The following GNB1 variants were observed in gnomAD, a reference collection of about 807,000 sequenced individuals.
The protein encoded by GNB1 is G protein subunit beta 1.
A neutral mutation model predicts 42.9 loss-of-function variants in GNB1; 2 were observed. The ratio of observed to expected loss-of-function variants is 0.05; its 90% confidence interval spans 0.02 to 0.15. The LOEUF (loss-of-function observed/expected upper bound fraction) is 0.15, where lower values mean the gene tolerates loss of function less well. GNB1 is among the 10% of genes least tolerant of loss of function. The probability of loss-of-function intolerance (pLI) is 1.00; values close to 1 mark genes in which losing one functional copy is unlikely to be tolerated. For synonymous variants in GNB1, 183 were observed against 174.7 expected, an observed-to-expected ratio of 1.05 and a Z score of -0.38; for missense variants, 193 against 462.2, an observed-to-expected ratio of 0.42 and a Z score of 5.34.
At chr1:1,816,404 GT>G (rs1646856641) in intron 4 of GNB1, among the ~76,000 whole-genome samples, 3 of 152,178 alleles carry the variant, frequency 2.0e-5, no homozygotes, top group South Asian at 4.1e-4. Context: ...GGCAAACGGA[GT>G]AAGTGGATTA....
chr1:1,872,939 G>A (rs1279390630), intron 1 of GNB1, among the ~76,000 whole-genome samples: 3 of 152,188 alleles, frequency 2.0e-5, no homozygotes, highest in East Asian at 3.8e-4. Flanking sequence ...AAAGCAGGAA[G>A]TTCTTGAGGT....
chr1:1,837,595 C>CT (rs1647170068), intron 2 of GNB1, among the ~76,000 whole-genome samples: 1 of 150,292 alleles, frequency 6.7e-6, no homozygotes, highest in African/African-American at 2.4e-5. Flanking sequence ...GAGTCTCACT[C>CT]TGTCACCAGG....
At chr1:1,822,624 A>AT (rs367702506) in intron 3 of GNB1, among the ~76,000 whole-genome samples, 6 of 151,826 alleles carry the variant, frequency 4.0e-5, no homozygotes, top group South Asian at 4.1e-4. Context: ...CTCTTTTTAC[A>AT]TTTTTTATGT....
intron 1 of GNB1, among the ~76,000 whole-genome samples, chr1:1,865,235 C>T (rs959745656): frequency 4.8e-5 from 7 of 144,870 alleles, no homozygotes; most frequent in Non-Finnish European, 7.5e-5. Context: ...GAACTCCAGC[C>T]TGGGTGACAG....
At chr1:1,832,810 T>C (rs1647094821) in intron 2 of GNB1, among the ~76,000 whole-genome samples, 1 of 152,218 alleles carries the variant, frequency 6.6e-6, no homozygotes, top group African/African-American at 2.4e-5. Context: ...AATTTCAAGT[T>C]CTGGTTCTGC....
intron 2 of GNB1, among the ~76,000 whole-genome samples, chr1:1,830,319 G>A (rs1647058335): frequency 6.6e-6 from 1 of 150,414 alleles, no homozygotes; most frequent in Admixed American, 6.6e-5. Flanking sequence ...GGAGTGCAGT[G>A]GCGCGATCTC....
intron 1 of GNB1, among the ~76,000 whole-genome samples, chr1:1,846,232 G>C (rs986122182): frequency 3.3e-5 from 5 of 151,868 alleles, no homozygotes; most frequent in Admixed American, 6.6e-5. Flanking sequence ...AAGAGGAAAA[G>C]CGAAGCTCTT....
At position 1,790,347 on chromosome 1, in the gene GNB1, T is replaced by C; in HGVS notation, c.699+48A>G. ...TTTAAAATTTAGCAATCTGAACGGC[T>C]AGCAGAGACGGCAGAGGACCCGACC... On this transcript the variant is annotated intron_variant, in intron 9 of 11. Transcript: ENST00000378609. The surrounding 1 kb of genome is among the most constrained non-coding windows in gnomAD (Gnocchi z 5.4). 2.3e-6 allele frequency: 3 copies of C among 1,292,208 alleles called. No individual in the cohort carries two copies. Among genetic ancestry groups the C allele is most frequent in the East Asian group, 2.3e-5 (1 of 43,380 alleles). 80.0% of individuals were successfully genotyped at this position (1,292,208 alleles called of 1,614,324 possible). A position where few individuals can be genotyped will look rare whatever the true frequency, so the allele number is the denominator to read the frequency against.
At chr1:1,880,059 G>A (rs1210664946) in intron 1 of GNB1, among the ~76,000 whole-genome samples, 1 of 151,640 alleles carries the variant, frequency 6.6e-6, no homozygotes, top group Non-Finnish European at 1.5e-5. Flanking sequence ...AGCCTCCCCA[G>A]TAGATGGGAC....
At chr1:1,845,066 G>A (rs1647553620) in intron 1 of GNB1, among the ~76,000 whole-genome samples, 1 of 151,730 alleles carries the variant, frequency 6.6e-6, no homozygotes, top group Admixed American at 6.6e-5. Context: ...CTAATAAACA[G>A]GATAAAAACA....
chr1:1,798,728 G>C (rs1646580745), intron 7 of GNB1, among the ~76,000 whole-genome samples: 1 of 152,182 alleles, frequency 6.6e-6, no homozygotes, highest in Non-Finnish European at 1.5e-5. Context: ...TGGAGACGGA[G>C]TTTCGCTCTT....
At chr1:1,859,674 G>A (rs1648508342) in intron 1 of GNB1, among the ~76,000 whole-genome samples, 1 of 143,530 alleles carries the variant, frequency 7.0e-6, no homozygotes, top group African/African-American at 2.6e-5. Flanking sequence ...GAGAAAAGGG[G>A]AGAGGAAGGA....
At chr1:1,865,403 G>A (rs1159794570) in intron 1 of GNB1, among the ~76,000 whole-genome samples, 1 of 150,508 alleles carries the variant, frequency 6.6e-6, no homozygotes, top group Non-Finnish European at 1.5e-5. Flanking sequence ...TGGCTAACAC[G>A]GTGAAACCCC....
intron 1 of GNB1, among the ~76,000 whole-genome samples, chr1:1,841,718 T>C (rs1647248926): frequency 6.6e-6 from 1 of 152,206 alleles, no homozygotes; most frequent in Admixed American, 6.5e-5. Context: ...CGTTTTGCAA[T>C]TATGCTGCTT....
intron 5 of GNB1, among the ~76,000 whole-genome samples, chr1:1,807,491 A>C (rs1294884544): frequency 2.1e-5 from 3 of 144,128 alleles, no homozygotes; most frequent in African/African-American, 5.1e-5. Context: ...AAAAAAAAAA[A>C]AACAAACAGA....
intron 1 of GNB1, among the ~76,000 whole-genome samples, chr1:1,880,353 C>T (rs1328529511): frequency 2.0e-5 from 3 of 152,132 alleles, no homozygotes; most frequent in Admixed American, 1.3e-4. Flanking sequence ...GTAATCCCAG[C>T]GCTTTGGGAG....
Position 1,790,712 on chromosome 1 carries a change from T to C in GNB1, c.498-116A>G. On this transcript the variant is annotated intron_variant, in intron 8 of 11. Coordinates refer to ENST00000378609, the MANE Select transcript of GNB1 (RefSeq NM_002074.5). The surrounding 1 kb of genome is among the most constrained non-coding windows in gnomAD (Gnocchi z 5.4). ...GGGCCACAGTGAGCCTCTGCACTGT[T>C]ACTTTAAAAACGTAAATTGTTTAAA... 1.5e-6 allele frequency: 1 copy of C among 662,110 alleles called. No homozygotes were observed. Among genetic ancestry groups the C allele is most frequent in the Non-Finnish European group, 2.7e-6 (1 of 371,604 alleles). 41.0% of individuals were successfully genotyped at this position (662,110 alleles called of 1,614,324 possible). A position where few individuals can be genotyped will look rare whatever the true frequency, so the allele number is the denominator to read the frequency against.
At chr1:1,877,955 C>G (rs1237533295) in intron 1 of GNB1, among the ~76,000 whole-genome samples, 1 of 152,150 alleles carries the variant, frequency 6.6e-6, no homozygotes, top group Non-Finnish European at 1.5e-5. Context: ...TAGGAAGAGG[C>G]AAATGCAGAC....
intron 1 of GNB1, among the ~76,000 whole-genome samples, chr1:1,856,646 T>G (rs950160068): frequency 4.6e-5 from 7 of 151,552 alleles, no homozygotes; most frequent in Admixed American, 3.9e-4. Flanking sequence ...CAGGATAGTC[T>G]CCATCTCTTC....
Sources: allele counts gnomAD v4.1 joint callset (sites outside exome capture counted in the v4.1 genomes callset), GRCh38; gene constraint gnomAD v4.1.1; non-coding constraint Gnocchi (gnomAD v3.1); transcripts MANE v1.5; gene names NCBI Gene and HGNC (gene_info 2026-07-23, HGNC 2026-07-21).